The following BACH2 variants were observed in gnomAD, a reference collection of about 807,000 sequenced individuals.
The protein encoded by BACH2 is BACH transcriptional regulator 2.
Under a neutral mutation model 61.8 loss-of-function variants are expected in BACH2, and 5 were observed. The ratio of observed to expected loss-of-function variants is 0.08; its 90% CI spans 0.04 to 0.17. BACH2 has a LOEUF of 0.17. Ranked by LOEUF, BACH2 falls within the 10% of genes least tolerant of loss-of-function variation. The pLI, the probability that BACH2 is intolerant of heterozygous loss-of-function variation, is 1.00. For missense variants in BACH2, 824 were observed against 1,091.1 expected, an observed-to-expected ratio of 0.76 and a Z score of 3.45; for synonymous variants, 446 against 440.1, an observed-to-expected ratio of 1.01 and a Z score of -0.17.
chr6:90,189,522 G>T lies in BACH2; in HGVS notation c.-162+17047C>A, dbSNP rs1232622262. ...ACTCGGGAGGCTGAGGCAGGAGAAT[G>T]GCGTGAACCCGGGAAGCGGAGCTTG... On this transcript the variant is annotated intron_variant, in intron 4 of 8. Transcript: ENST00000257749. 2.0e-5 allele frequency among the ~76,000 whole-genome samples: 3 copies of T among 151,560 alleles called. No individual in the cohort carries two copies. The East Asian group carries it at 5.9e-4, about 30-fold the overall frequency.
chr6:90,132,204 C>T (rs991149087), intron 4 of BACH2, among the ~76,000 whole-genome samples: 11 of 152,218 alleles, frequency 7.2e-5, no homozygotes, highest in East Asian at 1.9e-4. Context: ...CAAGTGGCTA[C>T]GACTTCTACT....
At chr6:90,056,921 C>A (rs190960873) in intron 5 of BACH2, among the ~76,000 whole-genome samples, 12 of 152,220 alleles carry the variant, frequency 7.9e-5, no homozygotes, top group Admixed American at 7.8e-4. Context: ...TCTTTGAAAT[C>A]AACGAGGACA....
At chr6:89,947,821 T>G (rs1773836390) in intron 7 of BACH2, among the ~76,000 whole-genome samples, 1 of 152,120 alleles carries the variant, frequency 6.6e-6, no homozygotes, top group African/African-American at 2.4e-5. Flanking sequence ...TTCGCCCGCC[T>G]CGGCCTCCCA....
At chr6:90,203,427 C>G (rs1045440285) in intron 4 of BACH2, among the ~76,000 whole-genome samples, 1 of 138,672 alleles carries the variant, frequency 7.2e-6, no homozygotes, top group Non-Finnish European at 1.6e-5. Flanking sequence ...GAGTTAAATT[C>G]TAATTATGAA....
At chr6:90,262,467 C>A (rs752520061) in intron 2 of BACH2, among the ~76,000 whole-genome samples, 1 of 152,168 alleles carries the variant, frequency 6.6e-6, no homozygotes, top group Non-Finnish European at 1.5e-5. Context: ...CATGCGTGCA[C>A]ATGATTCCAG....
intron 4 of BACH2, among the ~76,000 whole-genome samples, chr6:90,115,023 G>T (rs147308618): frequency 6.6e-6 from 1 of 152,130 alleles, no homozygotes; most frequent in African/African-American, 2.4e-5. Context: ...AATTAGAGAA[G>T]ACACAAACAA....
chr6:90,251,743 T>C (rs1404790479), intron 3 of BACH2, among the ~76,000 whole-genome samples: 2 of 152,208 alleles, frequency 1.3e-5, no homozygotes. Flanking sequence ...AGGATGGAAG[T>C]AAAAGCTTCT....
At chr6:90,216,395 G>A (rs1582496316) in intron 3 of BACH2, among the ~76,000 whole-genome samples, 2 of 152,288 alleles carry the variant, frequency 1.3e-5, no homozygotes, top group East Asian at 1.9e-4. Context: ...GCGAGCCTGG[G>A]GCCTAGGCTG....
At chr6:90,290,123 A>G (rs1406790911) in intron 1 of BACH2, among the ~76,000 whole-genome samples, 1 of 152,190 alleles carries the variant, frequency 6.6e-6, no homozygotes, top group African/African-American at 2.4e-5. Flanking sequence ...GCAATACTCC[A>G]AAGGGCCAAA....
At chr6:90,138,475 GGTGACAGA>G (rs1784356003) in intron 4 of BACH2, among the ~76,000 whole-genome samples, 1 of 151,878 alleles carries the variant, frequency 6.6e-6, no homozygotes, top group Admixed American at 6.6e-5. Flanking sequence ...CTCCAGCCTG[GGTGACAGA>G]GTGAGATCCA....
rs1769156628 is a variant in BACH2, at chr6:90,206,680, C to T, written c.-273G>A. On this transcript the variant is annotated splice_region_variant and 5_prime_UTR_variant, in exon 4 of 9. Coordinates refer to ENST00000257749, the MANE Select transcript of BACH2 (RefSeq NM_021813.4). ...CCTCACTTTCTGAAGCAGACAGCTGCACTGTGAATATAAACAAAGAAGAAA... is the reference window on the plus strand; with the variant it reads ...CCTCACTTTCTGAAGCAGACAGCTGTACTGTGAATATAAACAAAGAAGAAA... 6.6e-6 allele frequency: 1 copy of T among 152,414 alleles called. No homozygotes were observed. Among genetic ancestry groups the T allele is most frequent in the African/African-American group, 2.4e-5 (1 of 41,438 alleles). The allele number at this position is 152,414 out of a possible 1,614,324, so 9.4% of individuals were successfully genotyped here. A position where few individuals can be genotyped will look rare whatever the true frequency, so the allele number is the denominator to read the frequency against.
At chr6:90,088,498 G>C (rs952627845) in intron 5 of BACH2, among the ~76,000 whole-genome samples, 1 of 151,722 alleles carries the variant, frequency 6.6e-6, no homozygotes, top group Admixed American at 6.5e-5. Flanking sequence ...TGAGACATAA[G>C]TCAGTGTATT....
chr6:90,097,116 G>T (rs990482), intron 4 of BACH2, among the ~76,000 whole-genome samples: 65,659 of 151,964 alleles, frequency 0.43, 17,320 homozygotes, highest in East Asian at 0.86. Context: ...TCTCTTCCCA[G>T]GTCCAAGCTC....
intron 5 of BACH2, among the ~76,000 whole-genome samples, chr6:90,085,409 T>C (rs143963636): frequency 6.6e-6 from 1 of 152,304 alleles, no homozygotes; most frequent in East Asian, 1.9e-4. Flanking sequence ...CTCTCTGTGC[T>C]CTGTGCATGG....
At chr6:89,959,558 C>T (rs1026493257) in intron 6 of BACH2, among the ~76,000 whole-genome samples, 1 of 152,130 alleles carries the variant, frequency 6.6e-6, no homozygotes, top group Non-Finnish European at 1.5e-5. Flanking sequence ...AAAAATTATT[C>T]AGAAACTGTT....
chr6:90,196,557 C>T (rs1022714515), intron 4 of BACH2, among the ~76,000 whole-genome samples: 2 of 152,142 alleles, frequency 1.3e-5, no homozygotes, highest in Non-Finnish European at 2.9e-5. Flanking sequence ...TAATCCCAGC[C>T]TAGAGCTGTC....
At chr6:90,049,166 C>T (rs1779922097) in intron 5 of BACH2, among the ~76,000 whole-genome samples, 1 of 152,008 alleles carries the variant, frequency 6.6e-6, no homozygotes, top group African/African-American at 2.4e-5. Flanking sequence ...GCTCAGATGC[C>T]AAGTTATTAT....
In BACH2 at chr6:90,134,478, G is replaced by A. The variant is rs540933117; in HGVS notation, c.-161-45369C>T. Among the ~76,000 whole-genome samples, 13 of 152,322 alleles carry A rather than the reference G, an allele frequency of 8.5e-5. No homozygotes were observed. The South Asian group carries it at 2.7e-3, about 32-fold the overall frequency. On this transcript the variant is annotated intron_variant, in intron 4 of 8. Transcript: ENST00000257749. ...GGATGAGAAGAGTCCTTCCTGGTCG[G>A]ATGGGGTTAGTGAGGCAGGAGTAGC...
chr6:90,202,615 G>T (rs1047061881), intron 4 of BACH2, among the ~76,000 whole-genome samples: 1 of 152,148 alleles, frequency 6.6e-6, no homozygotes, highest in African/African-American at 2.4e-5. Flanking sequence ...CCTTTTTCAT[G>T]ATGGGGGAAG....
Sources: gnomAD v4.1 joint callset for allele counts (sites outside exome capture counted in the v4.1 genomes callset) on GRCh38, gnomAD v4.1.1 for gene constraint, MANE v1.5 for transcripts, NCBI Gene and HGNC (gene_info 2026-07-23, HGNC 2026-07-21) for gene names.